The following NDUFAF7 variants were observed in gnomAD, a reference collection of about 807,000 sequenced individuals.
NDUFAF7 encodes the protein NADH:ubiquinone oxidoreductase complex assembly factor 7.
Under a neutral mutation model 47.2 loss-of-function variants are expected in NDUFAF7, and 48 were observed. The observed-to-expected ratio is 1.02, with a 90% CI of 0.81 to 1.29. The LOEUF (loss-of-function observed/expected upper bound fraction) is 1.29, where lower values mean the gene tolerates loss of function less well. Among genes scored for constraint, NDUFAF7 ranks in the 50% most tolerant of loss-of-function variants. NDUFAF7 has a pLI of 0.00. For synonymous variants in NDUFAF7, 217 were observed against 190.0 expected (o/e 1.14, Z -1.17); for missense variants, 635 against 537.6 (o/e 1.18, Z -1.79).
downstream of NDUFAF7, chr2:37,253,064 A>G (rs1667642248): frequency 1.5e-5 from 17 of 1,121,518 alleles, no homozygotes; most frequent in Non-Finnish European, 1.9e-5. Context: ...ATTCGTTATC[A>G]TATTTCTTCA....
intron 5 of NDUFAF7, 190 bp from the exon 6 acceptor site, chr2:37,242,445 C>T (rs984751534): frequency 1.4e-4 from 68 of 490,812 alleles, no homozygotes; most frequent in African/African-American, 1.3e-3. Context: ...TTTCTGACCC[C>T]ATTTATGTGT....
chr2:37,238,480 G>A (rs1666023488), intron 4 of NDUFAF7, among the ~76,000 whole-genome samples: 1 of 151,656 alleles, frequency 6.6e-6, no homozygotes, highest in African/African-American at 2.4e-5. Context: ...GCTGGGCAAA[G>A]TGGCTCATGC....
chr2:37,231,775 C>T lies in NDUFAF7; in HGVS notation c.55+15C>T, dbSNP rs1278129774. On this transcript the variant is annotated intron_variant, in intron 1 of 9. Transcript: ENST00000002125. ...GGCGCGCGCAGGTAAGCGTCAGTCC[C>T]CTCGAAGCCCGGTTGCCGTGGAAGC... The T allele has an allele frequency of 6.2e-7, 1 of 1,614,112 alleles. No homozygotes were observed. Among genetic ancestry groups the T allele is most frequent in the Non-Finnish European group, 8.5e-7 (1 of 1,180,018 alleles).
chr2:37,265,845 C>T, the NDUFAF7 span, among the ~76,000 whole-genome samples: 1 of 152,084 alleles, frequency 6.6e-6, no homozygotes, highest in Non-Finnish European at 1.5e-5. Context: ...TGTGCATTAC[C>T]TGGTTATTCC....
At chr2:37,242,060 C>A (rs1666407186) in intron 5 of NDUFAF7, 1 of 493,566 alleles carries the variant, frequency 2.0e-6, no homozygotes. Context: ...TTCCCTATAG[C>A]TAGGGTTGTA....
chr2:37,249,824 T>G (rs565589613), downstream of NDUFAF7, among the ~76,000 whole-genome samples: 2 of 152,090 alleles, frequency 1.3e-5, no homozygotes, highest in Non-Finnish European at 2.9e-5. Flanking sequence ...CAAGGGAGAT[T>G]AAAGGGAAAG....
intron 7 of NDUFAF7, 47 bp downstream of exon 7, chr2:37,244,020 C>G: frequency 2.8e-6 from 4 of 1,438,546 alleles, no homozygotes; most frequent in Non-Finnish European, 3.9e-6. Context: ...ACAGAATCTT[C>G]AAAGTCTTAT....
At chr2:37,257,003 CTG>C (rs2148483201), downstream of NDUFAF7, 3 of 1,459,586 alleles carry the variant, frequency 2.1e-6, no homozygotes, top group Non-Finnish European at 2.8e-6. Context: ...AAATATAACA[CTG>C]TATGTATCAT....
At chr2:37,236,699 T>G (rs1169232519) in intron 3 of NDUFAF7, among the ~76,000 whole-genome samples, 3 of 149,948 alleles carry the variant, frequency 2.0e-5, no homozygotes, top group Non-Finnish European at 4.4e-5. Context: ...GAGAATGGCG[T>G]GAACCCGGGA....
At chr2:37,240,233 G>A (rs908082072) in intron 4 of NDUFAF7, among the ~76,000 whole-genome samples, 3 of 151,974 alleles carry the variant, frequency 2.0e-5, no homozygotes, top group Non-Finnish European at 4.4e-5. Flanking sequence ...TGGGCAATAC[G>A]GTGAAACTCC....
chr2:37,247,466 A>T lies in NDUFAF7; in HGVS notation c.947A>T (p.Asp316Val). 6.2e-7 allele frequency: 1 copy of T among 1,614,046 alleles called. No homozygotes were observed. Among genetic ancestry groups the T allele is most frequent in the Non-Finnish European group, 8.5e-7 (1 of 1,179,940 alleles). The part of the protein sequence containing the change: ...TKTDTFRGFC[D>V]HKLHDVLIAP... ...TTCTTTATGTTCAAGGGGTTTTGCG[A>T]CCACAAGCTTCATGATGTCTTAATT... Residue 316 changes from aspartate (D) to valine (V), a missense_variant, in exon 9 of 10, where the codon GAC (aspartate) becomes GTC (valine). Transcript: ENST00000002125.
intron 6 of NDUFAF7, among the ~76,000 whole-genome samples, chr2:37,243,152 T>C (rs1486307595): frequency 6.6e-6 from 1 of 152,142 alleles, no homozygotes; most frequent in Admixed American, 6.5e-5. Flanking sequence ...TAAAAAATTA[T>C]AGATTAAACT....
chr2:37,260,661 T>C, the NDUFAF7 span, among the ~76,000 whole-genome samples: 2 of 152,204 alleles, frequency 1.3e-5, no homozygotes, highest in African/African-American at 2.4e-5. Flanking sequence ...TCCTTCTCAC[T>C]TGAAAAATCT....
chr2:37,248,529 G>T lies in NDUFAF7; in HGVS notation c.*179G>T. On this transcript the variant is annotated 3_prime_UTR_variant, in exon 10 of 10. Coordinates refer to ENST00000002125, the MANE Select transcript of NDUFAF7 (RefSeq NM_144736.5). ...ACTTTTAGGGTTGTGACTGGCTTTG[G>T]TGCAAATGTGTGCTCAAGCTAATAA... 1.5e-6 allele frequency: 1 copy of T among 650,450 alleles called. No individual in the cohort carries two copies. Among genetic ancestry groups the T allele is most frequent in the Non-Finnish European group, 2.7e-6 (1 of 366,226 alleles). The allele number at this position is 650,450 out of a possible 1,614,324, so 40.3% of individuals were successfully genotyped here. A position where few individuals can be genotyped will look rare whatever the true frequency, so the allele number is the denominator to read the frequency against.
At chr2:37,271,120 A>G in the NDUFAF7 span, among the ~76,000 whole-genome samples, 1 of 152,240 alleles carries the variant, frequency 6.6e-6, no homozygotes, top group African/African-American at 2.4e-5. Flanking sequence ...TAACATTTAC[A>G]TGTTAGAGAA....
chr2:37,238,137 G>A (rs1373995420), intron 4 of NDUFAF7, among the ~76,000 whole-genome samples: 12 of 152,100 alleles, frequency 7.9e-5, no homozygotes, highest in Admixed American at 7.9e-4. Context: ...AAGGAAAGTT[G>A]TTAATTATAT....
downstream of NDUFAF7, chr2:37,253,074 A>G (rs1391325290): frequency 4.2e-6 from 5 of 1,199,302 alleles, no homozygotes; most frequent in East Asian, 2.4e-5. Flanking sequence ...ATATTTCTTC[A>G]TATCTTTGCA....
the NDUFAF7 span, among the ~76,000 whole-genome samples, chr2:37,262,592 G>T: frequency 6.6e-6 from 1 of 152,170 alleles, no homozygotes; most frequent in African/African-American, 2.4e-5. Context: ...GCAATAAGCA[G>T]TGTAAGATTC....
chr2:37,250,666 A>ATACTT (rs1667412898), downstream of NDUFAF7: 1 of 152,082 alleles, frequency 6.6e-6, no homozygotes, highest in Non-Finnish European at 1.5e-5. Flanking sequence ...TTTTCTTTGG[A>ATACTT]TACTTATACT....
Sources: allele counts gnomAD v4.1 joint callset (sites outside exome capture counted in the v4.1 genomes callset), GRCh38; gene constraint gnomAD v4.1.1; transcripts MANE v1.5; gene names NCBI Gene and HGNC (gene_info 2026-07-23, HGNC 2026-07-21).